RSPH3: variants seen among roughly 807,000 people sequenced by gnomAD.
The protein encoded by RSPH3 is radial spoke head 3, also known as radial spoke head protein 3 homolog.
Under a neutral mutation model 43.8 loss-of-function variants are expected in RSPH3, and 21 were observed. The ratio of observed to expected loss-of-function variants is 0.48; its 90% CI spans 0.34 to 0.69. The LOEUF (loss-of-function observed/expected upper bound fraction) is 0.69, where lower values mean the gene tolerates loss of function less well. RSPH3 is among the 30% of genes least tolerant of loss of function. The pLI, the probability that RSPH3 is intolerant of heterozygous loss-of-function variation, is 0.01. For missense variants in RSPH3, 487 were observed against 516.0 expected (o/e 0.94, Z 0.54); for synonymous variants, 173 against 179.8 (o/e 0.96, Z 0.30).
downstream of RSPH3, among the ~76,000 whole-genome samples, chr6:158,972,250 C>G (rs1200612551): frequency 2.0e-5 from 3 of 152,130 alleles, no homozygotes; most frequent in Non-Finnish European, 4.4e-5. Flanking sequence ...CCAAGTAAGA[C>G]AGAATTGCTA....
chr6:158,984,437 TATATATATA>T (rs1562562132), intron 3 of RSPH3, among the ~76,000 whole-genome samples: 1,126 of 49,480 alleles, frequency 0.023, 66 homozygotes, highest in Non-Finnish European at 0.027. Flanking sequence ...AAGTCAATTA[TATATATATA>T]TATATATATA....
chr6:158,997,163 C>G (rs1290048794), intron 1 of RSPH3, among the ~76,000 whole-genome samples: 1 of 152,108 alleles, frequency 6.6e-6, no homozygotes, highest in African/African-American at 2.4e-5. Context: ...TCTTGTACTT[C>G]TCAGTCTGCA....
rs746630855 is a variant in RSPH3, at chr6:158,975,493, T to G, written c.*2045A>C. On this transcript the variant is annotated 3_prime_UTR_variant, in exon 8 of 8. Coordinates refer to ENST00000367069, the MANE Select transcript of RSPH3 (RefSeq NM_031924.8). ...AGGCTCGTCATCTATTGCAAATCAC[T>G]TTAAATTCCTGAGCTTTGGTTTCTT... The G allele has an allele frequency of 6.6e-6, 1 of 152,238 alleles. No homozygotes were observed. The highest frequency in any genetic ancestry group is 1.5e-5 in the Non-Finnish European group (1 of 68,034). The allele number at this position is 152,238 out of a possible 1,614,324, so 9.4% of individuals were successfully genotyped here.
At chr6:158,998,577 C>A (rs1304181799) in intron 1 of RSPH3, among the ~76,000 whole-genome samples, 1 of 148,636 alleles carries the variant, frequency 6.7e-6, no homozygotes, top group African/African-American at 2.5e-5. Flanking sequence ...AACTGCCGTC[C>A]GGGCGCGGTG....
chr6:158,986,525 C>T (rs963782044), intron 2 of RSPH3, 104 bp from the exon 3 acceptor site: 19 of 836,628 alleles, frequency 2.3e-5, no homozygotes, highest in African/African-American at 3.5e-5. Flanking sequence ...AGGCATTTGT[C>T]ATAATGTTTC....
chr6:158,968,500 T>C (rs1355089378), downstream of RSPH3, among the ~76,000 whole-genome samples: 3 of 151,854 alleles, frequency 2.0e-5, no homozygotes, highest in Non-Finnish European at 4.4e-5. Flanking sequence ...TCTCCCAAAG[T>C]GTTGGGATTA....
At position 158,977,802 on chromosome 6, in the gene RSPH3, A is replaced by G. The variant is rs777169205; in HGVS notation, c.993T>C (p.His331=). Residue 331 remains histidine (H), a synonymous_variant, in exon 8 of 8, where the codon CAT becomes CAC. Transcript: ENST00000367069. ...CTGGAGACTGATGTGTGTCTTCCCC[A>G]TGCTCATACATACACAGCCTCTTTT... The part of the protein sequence containing the change: ...VVEKRLCMYE[H]GEDTHQSPEP... The G allele has an allele frequency of 4.3e-6, 7 of 1,614,116 alleles. No individual in the cohort carries two copies. The highest frequency in any genetic ancestry group is 1.1e-5 in the South Asian group (1 of 91,072).
chr6:158,985,294 A>C (rs1778190228), intron 3 of RSPH3, among the ~76,000 whole-genome samples: 1 of 152,206 alleles, frequency 6.6e-6, no homozygotes, highest in Admixed American at 6.5e-5. Context: ...TGGGTTTACT[A>C]ATCTCAAAAG....
At chr6:158,967,998 T>C (rs1777648937), downstream of RSPH3, among the ~76,000 whole-genome samples, 1 of 152,006 alleles carries the variant, frequency 6.6e-6, no homozygotes, top group Non-Finnish European at 1.5e-5. Flanking sequence ...TATTGTTGGG[T>C]TATTTTTAAT....
chr6:158,997,056 C>A (rs866393681), intron 1 of RSPH3, among the ~76,000 whole-genome samples: 1 of 152,140 alleles, frequency 6.6e-6, no homozygotes, highest in Non-Finnish European at 1.5e-5. Context: ...TGTTTGGCCA[C>A]TTCCCACGGA....
chr6:158,968,203 A>G (rs1163771902), downstream of RSPH3, among the ~76,000 whole-genome samples: 1 of 151,978 alleles, frequency 6.6e-6, no homozygotes, highest in African/African-American at 2.4e-5. Context: ...TTCCAGGAAA[A>G]GCTTTTAATA....
chr6:158,963,059 T>A, the RSPH3 span, among the ~76,000 whole-genome samples: 2 of 152,170 alleles, frequency 1.3e-5, no homozygotes, highest in African/African-American at 4.8e-5. Context: ...TAGGACATCA[T>A]TAAATCAATA....
chr6:158,993,391 C>T (rs1778483658), intron 2 of RSPH3, among the ~76,000 whole-genome samples: 1 of 150,294 alleles, frequency 6.7e-6, no homozygotes. Flanking sequence ...GCTGGGATTA[C>T]AGGCGTGAGC....
At chr6:158,963,153 A>G in the RSPH3 span, among the ~76,000 whole-genome samples, 3 of 152,260 alleles carry the variant, frequency 2.0e-5, no homozygotes, top group African/African-American at 7.2e-5. Flanking sequence ...CAGAAAATAA[A>G]ATTATATTCA....
chr6:158,973,195 G>A lies in RSPH3; in HGVS notation c.*4343C>T, dbSNP rs1166014094. 6.6e-6 allele frequency: 1 copy of A among 152,058 alleles called. No homozygotes were observed. The highest frequency in any genetic ancestry group is 1.5e-5 in the Non-Finnish European group (1 of 68,014). 9.4% of individuals were successfully genotyped at this position (152,058 alleles called of 1,614,324 possible). On this transcript the variant is annotated 3_prime_UTR_variant, in exon 8 of 8. Transcript: ENST00000367069. ...AATGAAGTAAACAGCCATGGCTATT[G>A]AACTACAGAATACATAAAAATACAT...
chr6:158,981,086 T>C lies in RSPH3; in HGVS notation c.697-150A>G. The C allele has an allele frequency of 4.4e-6, 3 of 684,790 alleles. No homozygotes were observed. The South Asian group carries it at 8.1e-5, about 18-fold the overall frequency. The allele number at this position is 684,790 out of a possible 1,614,324, so 42.4% of individuals were successfully genotyped here. A position where few individuals can be genotyped will look rare whatever the true frequency, so the allele number is the denominator to read the frequency against. ...AAAGGTTCATATTTTTCATCAAAAA[T>C]TTAATGAATTTCAACAGCTAGTGGC... On this transcript the variant is annotated intron_variant, in intron 5 of 7. Transcript: ENST00000367069.
rs1777749058 is a variant in RSPH3, at chr6:158,973,764, C to T, written c.*3774G>A. 1 of 152,066 alleles carries T rather than the reference C, an allele frequency of 6.6e-6. No homozygotes were observed. The highest frequency in any genetic ancestry group is 1.5e-5 in the Non-Finnish European group (1 of 68,018). 9.4% of individuals were successfully genotyped at this position (152,066 alleles called of 1,614,324 possible). On this transcript the variant is annotated 3_prime_UTR_variant, in exon 8 of 8. Transcript: ENST00000367069. ...ATGATGCCTATGCTAGAGAAAATTT[C>T]ATTCTACCTCTCTGATCTATTTTAG... is the stretch of plus-strand genomic sequence containing the variant.
intron 1 of RSPH3, among the ~76,000 whole-genome samples, chr6:158,997,271 CTTT>C (rs35951023): frequency 2.3e-5 from 3 of 129,088 alleles, no homozygotes; most frequent in Non-Finnish European, 3.2e-5. Flanking sequence ...CTCCTGAACA[CTTT>C]TTTTTTTTTT....
chr6:158,983,197 C>T (rs1778094469), intron 4 of RSPH3, among the ~76,000 whole-genome samples: 1 of 152,048 alleles, frequency 6.6e-6, no homozygotes, highest in African/African-American at 2.4e-5. Context: ...TTCTCTTCTT[C>T]AATTTCATAA....
Sources: gnomAD v4.1 joint callset for allele counts (sites outside exome capture counted in the v4.1 genomes callset) on GRCh38, gnomAD v4.1.1 for gene constraint, MANE v1.5 for transcripts, NCBI Gene and HGNC (gene_info 2026-07-23, HGNC 2026-07-21) for gene names.